LCORL: variants seen among roughly 807,000 people sequenced by gnomAD.
The protein encoded by LCORL is ligand-dependent nuclear receptor corepressor-like protein.
A neutral mutation model predicts 141.8 loss-of-function variants in LCORL; 41 were observed. That is an observed-to-expected ratio of 0.29 (90% CI 0.23 to 0.38). The LOEUF (loss-of-function observed/expected upper bound fraction) is 0.38, where lower values mean the gene tolerates loss of function less well. Among genes scored for constraint, LCORL ranks in the 10% least tolerant of loss-of-function variants. The pLI, the probability that LCORL is intolerant of heterozygous loss-of-function variation, is 1.00. For missense variants in LCORL, 1,759 were observed against 2,035.0 expected, an observed-to-expected ratio of 0.86 and a Z score of 2.61; for synonymous variants, 618 against 694.1, an observed-to-expected ratio of 0.89 and a Z score of 1.72.
At chr4:17,888,338 C>T (rs2109235644) in intron 5 of LCORL, among the ~76,000 whole-genome samples, 1 of 152,194 alleles carries the variant, frequency 6.6e-6, no homozygotes, top group Middle Eastern at 3.4e-3. Flanking sequence ...TTTATTGCCC[C>T]AGTTTACCCA....
In LCORL at chr4:17,952,993, C is replaced by CT. The variant is rs545111786; in HGVS notation, c.430+8909dup. ...CACTTATAAGTGAGAACATGTGATA[C>CT]TTTTTTTTTTTCCTGTTCCTGCGTT... On this transcript the variant is annotated intron_variant, in intron 4 of 7. Coordinates refer to ENST00000635767, the Ensembl canonical transcript of LCORL. Among the ~76,000 whole-genome samples, 78 of 148,176 alleles carry CT rather than the reference C, an allele frequency of 5.3e-4. 1 individual carries two copies. The highest frequency in any genetic ancestry group is 3.6e-3 in the South Asian group (17 of 4,668).
intron 1 of LCORL, among the ~76,000 whole-genome samples, chr4:17,990,315 G>A (rs1406942771): frequency 6.6e-6 from 1 of 151,928 alleles, no homozygotes; most frequent in African/African-American, 2.4e-5. Flanking sequence ...TTGCCAGGAT[G>A]GTCTTGATCT....
intron 1 of LCORL, among the ~76,000 whole-genome samples, chr4:17,988,940 C>A (rs189458666): frequency 6.6e-6 from 1 of 152,282 alleles, no homozygotes; most frequent in East Asian, 1.9e-4. Flanking sequence ...GCCGAGATCA[C>A]GCCACTGCAC....
chr4:17,896,911 C>T (rs918354886), intron 5 of LCORL, among the ~76,000 whole-genome samples: 3 of 152,004 alleles, frequency 2.0e-5, no homozygotes, highest in African/African-American at 7.2e-5. Flanking sequence ...CATCCTTCTA[C>T]TATCTCCATG....
chr4:17,881,816 G>C, intron 6 of LCORL: 1 of 983,754 alleles, frequency 1.0e-6, no homozygotes, highest in Non-Finnish European at 1.2e-6. Context: ...AAATTGTTTT[G>C]AAATATGTAC....
At chr4:17,897,026 A>G (rs1053492155) in intron 5 of LCORL, among the ~76,000 whole-genome samples, 2 of 151,942 alleles carry the variant, frequency 1.3e-5, no homozygotes, top group Admixed American at 1.3e-4. Context: ...AGTTCCATCC[A>G]TCTTGTTGCA....
exon 4 of LCORL, chr4:17,961,946 T>C: frequency 6.2e-7 from 1 of 1,610,862 alleles, no homozygotes; most frequent in East Asian, 2.2e-5. Flanking sequence ...CTGCTTGGCA[T>C]TCAATCTTAT....
chr4:18,012,565 ATGAC>A (rs1430934344), intron 1 of LCORL, among the ~76,000 whole-genome samples: 1 of 152,008 alleles, frequency 6.6e-6, no homozygotes, highest in Non-Finnish European at 1.5e-5. Flanking sequence ...AAGATAAATG[ATGAC>A]TGACAACAGT....
intron 4 of LCORL, among the ~76,000 whole-genome samples, chr4:17,950,955 T>C (rs979875777): frequency 2.0e-5 from 3 of 152,078 alleles, no homozygotes; most frequent in Admixed American, 1.3e-4. Context: ...CTTTAAACAG[T>C]TTATTCATTC....
intron 7 of LCORL, among the ~76,000 whole-genome samples, chr4:17,870,731 A>G (rs970626961): frequency 9.2e-5 from 14 of 152,174 alleles, no homozygotes; most frequent in Non-Finnish European, 1.9e-4. Flanking sequence ...ATGGAAAGGA[A>G]CTATTTGAAC....
At chr4:17,988,370 C>T (rs992484147) in intron 1 of LCORL, among the ~76,000 whole-genome samples, 9 of 152,122 alleles carry the variant, frequency 5.9e-5, no homozygotes, top group Non-Finnish European at 1.0e-4. Flanking sequence ...TTCCTGGGCT[C>T]GGGTGATCCT....
chr4:17,957,645 TAA>T (rs1481531362), intron 4 of LCORL, among the ~76,000 whole-genome samples: 1 of 152,008 alleles, frequency 6.6e-6, no homozygotes. Context: ...ATCAGAAATG[TAA>T]AAAGTCTTCA....
intron 5 of LCORL, among the ~76,000 whole-genome samples, chr4:17,905,552 C>G (rs1428821734): frequency 1.3e-5 from 2 of 150,966 alleles, no homozygotes; most frequent in Admixed American, 6.6e-5. Flanking sequence ...TTTTTCTACT[C>G]TTTGAAACAG....
In LCORL at chr4:17,961,899, T is replaced by C; in HGVS notation, c.430+4A>G. ...TTTTAAATGACAAAGCATACCAATA[T>C]TACCTTTCTTTCGAAAGAGTGCATT... On this transcript the variant is annotated splice_donor_region_variant and intron_variant, in intron 4 of 7. Coordinates refer to ENST00000635767, the Ensembl canonical transcript of LCORL. The C allele has an allele frequency of 6.2e-7, 1 of 1,605,280 alleles. No individual in the cohort carries two copies. The highest frequency in any genetic ancestry group is 8.5e-7 in the Non-Finnish European group (1 of 1,176,270).
intron 7 of LCORL, among the ~76,000 whole-genome samples, chr4:17,846,531 C>T (rs1393356488): frequency 1.3e-5 from 2 of 152,104 alleles, no homozygotes; most frequent in Non-Finnish European, 2.9e-5. Flanking sequence ...ATGGCCAGCT[C>T]ATCAGAGGAG....
chr4:17,943,012 G>T (rs1470457603), intron 4 of LCORL, among the ~76,000 whole-genome samples: 1 of 152,176 alleles, frequency 6.6e-6, no homozygotes, highest in Non-Finnish European at 1.5e-5. Flanking sequence ...GATCTGAGGT[G>T]TAACAGTTTT....
rs556128388 is a variant in LCORL at position 17,999,379 on chromosome 4, G to A, written c.154+22219C>T. 2.3e-4 allele frequency among the ~76,000 whole-genome samples: 35 copies of A among 151,620 alleles called. No homozygotes were observed. In the South Asian group the frequency reaches 6.0e-3, roughly 26 times the overall value. ...TGAGGCAGGACAATGGCGTGAACCC[G>A]GGAGGTGGAGCTTGCAGTGAGCCGA... On this transcript the variant is annotated intron_variant, in intron 1 of 7. Coordinates refer to ENST00000635767, the Ensembl canonical transcript of LCORL.
At chr4:17,973,683 A>G (rs781181840) in intron 1 of LCORL, among the ~76,000 whole-genome samples, 6 of 152,010 alleles carry the variant, frequency 3.9e-5, no homozygotes, top group Non-Finnish European at 7.4e-5. Flanking sequence ...ACATGGCATG[A>G]CAGACCCTAT....
exon 8 of LCORL, chr4:17,843,154 T>C (rs1327014781): frequency 2.5e-6 from 2 of 804,846 alleles, no homozygotes; most frequent in Non-Finnish European, 3.8e-6. Flanking sequence ...TTTTTGACAT[T>C]GAGATTTTAG....
Sources: allele counts gnomAD v4.1 joint callset (sites outside exome capture counted in the v4.1 genomes callset), GRCh38; gene constraint gnomAD v4.1.1; transcripts MANE v1.5; gene names NCBI Gene and HGNC (gene_info 2026-07-23, HGNC 2026-07-21).